AOPEP: variants seen among roughly 807,000 people sequenced by gnomAD.
AOPEP encodes the protein aminopeptidase O.
In AOPEP, 77 loss-of-function variants were observed where a neutral mutation model predicts 98.1. The observed-to-expected ratio is 0.78, with a 90% CI of 0.65 to 0.95. The LOEUF (loss-of-function observed/expected upper bound fraction) is 0.95, where lower values mean the gene tolerates loss of function less well. Among genes scored for constraint, AOPEP ranks in the 40% least tolerant of loss-of-function variants. The pLI, the probability that AOPEP is intolerant of heterozygous loss-of-function variation, is 0.00. For missense variants in AOPEP, 1,024 were observed against 1,024.7 expected, an observed-to-expected ratio of 1.00 and a Z score of 0.01; for synonymous variants, 346 against 365.3, an observed-to-expected ratio of 0.95 and a Z score of 0.60.
intron 11 of AOPEP, among the ~76,000 whole-genome samples, chr9:95,001,887 C>T (rs1471917781): frequency 6.6e-6 from 1 of 152,024 alleles, no homozygotes; most frequent in African/African-American, 2.4e-5. Context: ...AAGTGATCCT[C>T]CCACCTCACC....
rs559620658 is a variant in AOPEP, at chr9:94,924,245, A to G, written c.1554+70A>G. On this transcript the variant is annotated intron_variant, in intron 6 of 16. Coordinates refer to ENST00000375315, the MANE Select transcript of AOPEP (RefSeq NM_001193329.3). The stretch of plus-strand genomic sequence containing the variant: ...TCCATTTCTGGTCATTTGCTCACCC[A>G]ACAGCTATGGACTGAGGGCCTACTA... 4 of 1,265,540 alleles carry G rather than the reference A, an allele frequency of 3.2e-6. No individual in the cohort carries two copies. The South Asian group carries it at 9.1e-5, about 29-fold the overall frequency. The allele number at this position is 1,265,540 out of a possible 1,614,324, so 78.4% of individuals were successfully genotyped here. A position where few individuals can be genotyped will look rare whatever the true frequency, so the allele number is the denominator to read the frequency against.
At chr9:94,784,241 A>G (rs1292354595) in intron 3 of AOPEP, among the ~76,000 whole-genome samples, 1 of 152,246 alleles carries the variant, frequency 6.6e-6, no homozygotes, top group African/African-American at 2.4e-5. Context: ...AGTTTATCCA[A>G]GACTCACCTA....
At chr9:94,771,733 T>G (rs1346356867) in intron 2 of AOPEP, among the ~76,000 whole-genome samples, 1 of 150,054 alleles carries the variant, frequency 6.7e-6, no homozygotes, top group Non-Finnish European at 1.5e-5. Context: ...TGGTCCCAGC[T>G]CCCCCTGGAC....
intron 7 of AOPEP, among the ~76,000 whole-genome samples, chr9:94,939,091 T>C (rs1415960347): frequency 6.6e-6 from 1 of 151,790 alleles, no homozygotes; most frequent in South Asian, 2.1e-4. Flanking sequence ...CTACTAAAAA[T>C]ACAAAAATTA....
chr9:94,741,703 T>C (rs7851726), intron 1 of AOPEP, among the ~76,000 whole-genome samples: 104,534 of 151,958 alleles, frequency 0.69, 37,068 homozygotes, highest in African/African-American at 0.87. Flanking sequence ...ATTAAGTTAG[T>C]AGTAATTAAA....
intron 5 of AOPEP, among the ~76,000 whole-genome samples, chr9:94,831,807 A>G (rs1434143969): frequency 6.6e-6 from 1 of 152,032 alleles, no homozygotes; most frequent in East Asian, 1.9e-4. Flanking sequence ...CTGGAAATAC[A>G]GCTAACAAGG....
chr9:94,865,047 C>T lies in AOPEP; in HGVS notation c.1365-58939C>T, dbSNP rs565748989. Among the ~76,000 whole-genome samples, 39 of 152,284 alleles carry T rather than the reference C, an allele frequency of 2.6e-4. No individual in the cohort carries two copies. The South Asian group carries it at 8.1e-3, about 32-fold the overall frequency. On this transcript the variant is annotated intron_variant, in intron 5 of 16. Transcript: ENST00000375315. Reference sequence around the variant, plus strand: ...ACTCGAGTAATTTTCTAGTGTCTAACACTAATTTTCAGCTATTTAAATCCA... The same window carrying T: ...ACTCGAGTAATTTTCTAGTGTCTAATACTAATTTTCAGCTATTTAAATCCA...
At chr9:94,961,003 G>C (rs953286774) in intron 9 of AOPEP, among the ~76,000 whole-genome samples, 2 of 129,166 alleles carry the variant, frequency 1.5e-5, no homozygotes, top group Non-Finnish European at 3.2e-5. Context: ...GACAGAGCGA[G>C]AATCTGTCTC....
rs141510975 is a variant in AOPEP at position 94,884,187 on chromosome 9, A to G, written c.1365-39799A>G. 3.3e-5 allele frequency among the ~76,000 whole-genome samples: 5 copies of G among 152,290 alleles called. No individual in the cohort carries two copies. In the East Asian group the frequency reaches 9.7e-4, roughly 29 times the overall value. The stretch of plus-strand genomic sequence containing the variant: ...CTGAGACAGATGGCGAGAAGAAGAA[A>G]CCATTAAATTCCTTCTAATAGCCCT... On this transcript the variant is annotated intron_variant, in intron 5 of 16. Coordinates refer to ENST00000375315, the MANE Select transcript of AOPEP (RefSeq NM_001193329.3).
At chr9:95,016,392 C>T (rs963106419) in intron 13 of AOPEP, among the ~76,000 whole-genome samples, 4 of 148,858 alleles carry the variant, frequency 2.7e-5, no homozygotes, top group African/African-American at 9.9e-5. Flanking sequence ...TACAGGCACC[C>T]ACCACCACGC....
chr9:95,145,033 G>A, the AOPEP span, among the ~76,000 whole-genome samples: 326 of 152,142 alleles, frequency 2.1e-3, 1 homozygote, highest in African/African-American at 7.3e-3. Flanking sequence ...ACCATTTTTC[G>A]AATCAAGTGA....
At chr9:95,141,885 A>G in the AOPEP span, among the ~76,000 whole-genome samples, 2 of 152,050 alleles carry the variant, frequency 1.3e-5, no homozygotes, top group Admixed American at 6.6e-5. Flanking sequence ...TGTTAGGGGG[A>G]AAAATATGAG....
rs72750401 is a variant in AOPEP at position 95,047,865 on chromosome 9, T to C, written c.2116-12829T>C. Reference sequence around the variant, plus strand: ...AAGCTGTCCTTGCATACAGAAAACTTATCTCTGGCATTTTGTTTTTTTCTG... The same window carrying C: ...AAGCTGTCCTTGCATACAGAAAACTCATCTCTGGCATTTTGTTTTTTTCTG... On this transcript the variant is annotated intron_variant, in intron 13 of 16. Transcript: ENST00000375315. Among the ~76,000 whole-genome samples, 1,393 of 152,328 alleles carry C rather than the reference T, an allele frequency of 9.1e-3. 12 individuals are homozygous for C. The highest frequency in any genetic ancestry group is 0.017 in the Non-Finnish European group (1,134 of 68,024).
At chr9:94,960,998 A>G (rs1343190512) in intron 9 of AOPEP, among the ~76,000 whole-genome samples, 1 of 144,530 alleles carries the variant, frequency 6.9e-6, no homozygotes, top group African/African-American at 2.6e-5. Context: ...TGGGCGACAG[A>G]GCGAGAATCT....
intron 5 of AOPEP, among the ~76,000 whole-genome samples, chr9:94,813,714 C>T (rs1036890240): frequency 6.6e-6 from 1 of 152,218 alleles, no homozygotes; most frequent in African/African-American, 2.4e-5. Context: ...AGCTCTTGGC[C>T]TCTGAAGCAC....
intron 5 of AOPEP, among the ~76,000 whole-genome samples, chr9:94,831,859 C>G (rs184467199): frequency 6.6e-6 from 1 of 151,768 alleles, no homozygotes; most frequent in Non-Finnish European, 1.5e-5. Context: ...AACCACTGCT[C>G]AAGGAAATCA....
At chr9:94,989,349 A>G (rs975774047) in intron 11 of AOPEP, among the ~76,000 whole-genome samples, 2 of 151,930 alleles carry the variant, frequency 1.3e-5, no homozygotes, top group African/African-American at 4.8e-5. Flanking sequence ...AGATCCGCCC[A>G]CCTTGGCCTC....
intron 11 of AOPEP, 21 bp downstream of exon 11, chr9:94,979,448 T>G: frequency 6.5e-7 from 1 of 1,536,730 alleles, no homozygotes; most frequent in Non-Finnish European, 9.0e-7. Context: ...ATAACCACTT[T>G]GGTAGAATCC....
chr9:95,057,920 A>AG (rs34013505), intron 13 of AOPEP, among the ~76,000 whole-genome samples: 1 of 152,164 alleles, frequency 6.6e-6, no homozygotes, highest in African/African-American at 2.4e-5. Flanking sequence ...CAGATACCTG[A>AG]GGGGAGTGTC....
Sources: allele counts gnomAD v4.1 joint callset (sites outside exome capture counted in the v4.1 genomes callset), GRCh38; gene constraint gnomAD v4.1.1; transcripts MANE v1.5; gene names NCBI Gene and HGNC (gene_info 2026-07-23, HGNC 2026-07-21).